TBCK: variants seen among roughly 807,000 people sequenced by gnomAD.
TBCK encodes TBC domain-containing protein kinase-like protein.
A neutral mutation model predicts 113.4 loss-of-function variants in TBCK; 99 were observed. The observed-to-expected ratio is 0.87, with a 90% CI of 0.74 to 1.03. The LOEUF is 1.03. Ranked by LOEUF, TBCK falls within the 50% of genes least tolerant of loss-of-function variation. TBCK has a pLI of 0.00. For missense variants in TBCK, 1,045 were observed against 1,061.3 expected (o/e 0.98, Z 0.21); for synonymous variants, 369 against 370.8 (o/e 1.00, Z 0.05).
chr4:106,111,624 G>T (rs1321715315), intron 24 of TBCK, among the ~76,000 whole-genome samples: 1 of 152,128 alleles, frequency 6.6e-6, no homozygotes, highest in Non-Finnish European at 1.5e-5. Flanking sequence ...TTTTACAGAT[G>T]ATATTTTACT....
chr4:106,232,583 G>C (rs1477744226), intron 17 of TBCK, among the ~76,000 whole-genome samples: 1 of 151,850 alleles, frequency 6.6e-6, no homozygotes, highest in African/African-American at 2.4e-5. Flanking sequence ...AATAGCCATG[G>C]TAAGTATAAA....
chr4:106,084,999 A>G (rs1466664484), intron 25 of TBCK, among the ~76,000 whole-genome samples: 1 of 152,218 alleles, frequency 6.6e-6, no homozygotes, highest in Non-Finnish European at 1.5e-5. Flanking sequence ...AACACACCAA[A>G]AAATAAAGAC....
In TBCK at chr4:106,132,739, C is replaced by G. The variant is rs562534035; in HGVS notation, c.2236-16361G>C. On this transcript the variant is annotated intron_variant, in intron 23 of 25. Transcript: ENST00000394708. Reference sequence around the variant, plus strand: ...GCCAGAGGGGCAGAGCTGCCCAAGGCTATGGGAGCACACCTCTTGTATCAT... The same window carrying G: ...GCCAGAGGGGCAGAGCTGCCCAAGGGTATGGGAGCACACCTCTTGTATCAT... Among the ~76,000 whole-genome samples the G allele has an allele frequency of 4.2e-4, 64 of 152,338 alleles. No homozygotes were observed. The East Asian group carries it at 0.011, about 26-fold the overall frequency.
At chr4:106,234,067 A>C (rs996957506) in intron 15 of TBCK, among the ~76,000 whole-genome samples, 3 of 152,140 alleles carry the variant, frequency 2.0e-5, no homozygotes, top group African/African-American at 7.2e-5. Context: ...AAATTTAGAA[A>C]TAACTGAATG....
intron 23 of TBCK, among the ~76,000 whole-genome samples, chr4:106,119,358 T>A (rs553687987): frequency 6.6e-6 from 1 of 152,242 alleles, no homozygotes. Flanking sequence ...AATAAATCAA[T>A]GTATTTACAG....
chr4:106,065,162 T>C (rs1318358176), intron 25 of TBCK, among the ~76,000 whole-genome samples: 2 of 152,036 alleles, frequency 1.3e-5, no homozygotes, highest in Admixed American at 1.3e-4. Context: ...TACCTTTTTA[T>C]ATCCTTGTTT....
At chr4:106,308,140 T>C (rs377497338) in intron 2 of TBCK, among the ~76,000 whole-genome samples, 6 of 152,136 alleles carry the variant, frequency 3.9e-5, no homozygotes, top group African/African-American at 1.2e-4. Context: ...AAAAAGAAAA[T>C]TAAAAATCCT....
intron 23 of TBCK, among the ~76,000 whole-genome samples, chr4:106,129,594 CAAAT>C (rs906335477): frequency 2.0e-5 from 3 of 151,542 alleles, no homozygotes; most frequent in Non-Finnish European, 4.4e-5. Flanking sequence ...CTTCTTGTAA[CAAAT>C]AAAAATCCTG....
chr4:106,295,418 T>C (rs1766192778), intron 2 of TBCK, among the ~76,000 whole-genome samples: 1 of 152,100 alleles, frequency 6.6e-6, no homozygotes. Context: ...GAAAAATAGG[T>C]GGAAAGACTG....
At chr4:106,266,748 G>A (rs1763031113) in intron 3 of TBCK, among the ~76,000 whole-genome samples, 1 of 151,658 alleles carries the variant, frequency 6.6e-6, no homozygotes, top group African/African-American at 2.4e-5. Context: ...AAAATGTAAG[G>A]TATAAAGAGG....
At chr4:106,142,320 C>T (rs187015388) in intron 23 of TBCK, among the ~76,000 whole-genome samples, 40 of 152,266 alleles carry the variant, frequency 2.6e-4, no homozygotes, top group African/African-American at 7.9e-4. Context: ...AGCAGTAATT[C>T]TCTAACAGAT....
At chr4:106,160,640 T>C (rs1451517713) in intron 23 of TBCK, among the ~76,000 whole-genome samples, 1 of 151,800 alleles carries the variant, frequency 6.6e-6, no homozygotes, top group Non-Finnish European at 1.5e-5. Context: ...GAGAAGAAAC[T>C]GAAACCAACC....
At chr4:106,174,102 A>G (rs72968449) in intron 22 of TBCK, among the ~76,000 whole-genome samples, 4,089 of 152,182 alleles carry the variant, frequency 0.027, 176 homozygotes, top group African/African-American at 0.094. Context: ...AGCTTTCCTG[A>G]GCCTGCTCTT....
intron 23 of TBCK, among the ~76,000 whole-genome samples, chr4:106,169,801 AT>A (rs1157008483): frequency 9.9e-5 from 15 of 152,172 alleles, no homozygotes; most frequent in African/African-American, 3.6e-4. Context: ...CTGCTACTTA[AT>A]GGTCCCATCT....
At chr4:106,274,746 G>A (rs561776005) in intron 3 of TBCK, among the ~76,000 whole-genome samples, 2 of 152,260 alleles carry the variant, frequency 1.3e-5, no homozygotes, top group East Asian at 3.9e-4. Flanking sequence ...GGTGATGGCT[G>A]TACAATCTTG....
At chr4:106,239,804 A>G (rs73838168) in intron 12 of TBCK, among the ~76,000 whole-genome samples, 2,076 of 151,724 alleles carry the variant, frequency 0.014, 53 homozygotes, top group African/African-American at 0.047. Context: ...TGAAACATTC[A>G]AGAAATAGAT....
intron 23 of TBCK, among the ~76,000 whole-genome samples, chr4:106,159,988 A>C (rs1749569908): frequency 1.3e-5 from 2 of 152,072 alleles, no homozygotes; most frequent in South Asian, 4.1e-4. Flanking sequence ...TGGTCAAATA[A>C]GTTCTGAGAA....
chr4:106,226,819 T>TTCTATAATAAACA (rs1447461487), intron 19 of TBCK, among the ~76,000 whole-genome samples: 2 of 152,116 alleles, frequency 1.3e-5, no homozygotes, highest in Non-Finnish European at 2.9e-5. Context: ...ACACTATCAA[T>TTCTATAATAAACA]TCTATAATAA....
At chr4:106,118,023 C>CA (rs1029997556) in intron 23 of TBCK, among the ~76,000 whole-genome samples, 1 of 147,348 alleles carries the variant, frequency 6.8e-6, no homozygotes, top group African/African-American at 2.5e-5. Context: ...AAAAAAAAAA[C>CA]AAAAAAACAC....
Sources: gnomAD v4.1 joint callset for allele counts (sites outside exome capture counted in the v4.1 genomes callset) on GRCh38, gnomAD v4.1.1 for gene constraint, MANE v1.5 for transcripts, NCBI Gene and HGNC (gene_info 2026-07-23, HGNC 2026-07-21) for gene names.